The following C16orf74 variants were observed in gnomAD, a reference collection of about 807,000 sequenced individuals.
C16orf74 encodes calcimembrin.
C16orf74 carries 10 observed loss-of-function variants against 6.5 expected under a neutral mutation model. That is an observed-to-expected ratio of 1.54 (90% CI 0.95 to 2.61). The LOEUF (loss-of-function observed/expected upper bound fraction) is 2.61, where lower values mean the gene tolerates loss of function less well. C16orf74 is among the 30% of genes most tolerant of loss of function. The pLI, the probability that C16orf74 is intolerant of heterozygous loss-of-function variation, is 0.00. For missense variants in C16orf74, 141 were observed against 105.9 expected, an observed-to-expected ratio of 1.33 and a Z score of -1.45; for synonymous variants, 60 against 42.5, an observed-to-expected ratio of 1.41 and a Z score of -1.60.
intron 1 of C16orf74, among the ~76,000 whole-genome samples, chr16:85,749,814 C>A (rs796698199): frequency 7.9e-5 from 12 of 152,348 alleles, no homozygotes; most frequent in African/African-American, 2.6e-4. Flanking sequence ...TGCACCCCAC[C>A]GGCATGGGAA....
chr16:85,724,984 C>T (rs1174775378), intron 2 of C16orf74, among the ~76,000 whole-genome samples: 2 of 152,202 alleles, frequency 1.3e-5, no homozygotes, highest in East Asian at 3.9e-4. Flanking sequence ...CTGGAAATGG[C>T]GCTTCGTCTC....
At chr16:85,721,631 G>T (rs140988520) in intron 2 of C16orf74, among the ~76,000 whole-genome samples, 224 of 152,304 alleles carry the variant, frequency 1.5e-3, no homozygotes, top group African/African-American at 5.2e-3. Flanking sequence ...CAATCTGGCA[G>T]CTCTACATGG....
chr16:85,733,946 T>C (rs1473850813), intron 2 of C16orf74, among the ~76,000 whole-genome samples: 1 of 152,190 alleles, frequency 6.6e-6, no homozygotes, highest in African/African-American at 2.4e-5. Context: ...GCCTAAGACC[T>C]AAACTGGGCC....
chr16:85,742,649 C>T (rs2054322328), intron 1 of C16orf74, among the ~76,000 whole-genome samples: 1 of 152,154 alleles, frequency 6.6e-6, no homozygotes. Context: ...TCAAGCGATT[C>T]TCCTGACTTA....
chr16:85,745,411 T>C (rs1003163451), intron 1 of C16orf74, among the ~76,000 whole-genome samples: 6 of 152,182 alleles, frequency 3.9e-5, no homozygotes, highest in African/African-American at 7.2e-5. Flanking sequence ...GTGCCACAAA[T>C]TACCAGCTCA....
chr16:85,719,728 G>A (rs537759073), intron 2 of C16orf74, among the ~76,000 whole-genome samples: 18 of 152,268 alleles, frequency 1.2e-4, no homozygotes, highest in South Asian at 8.3e-4. Context: ...ATCAGAAAGC[G>A]GCAGGAGAGA....
At chr16:85,717,400 C>T (rs9923765) in intron 2 of C16orf74, among the ~76,000 whole-genome samples, 3,583 of 152,284 alleles carry the variant, frequency 0.024, 130 homozygotes, top group African/African-American at 0.081. Context: ...CTTTAACAGC[C>T]AGGGATGGGA....
intron 2 of C16orf74, among the ~76,000 whole-genome samples, chr16:85,721,389 C>A (rs1205644099): frequency 6.6e-6 from 1 of 152,190 alleles, no homozygotes; most frequent in Admixed American, 6.5e-5. Context: ...CCCTGTAGCA[C>A]CCCCAGCTTC....
At chr16:85,709,395 C>A (rs1001800592) in intron 3 of C16orf74, among the ~76,000 whole-genome samples, 15 of 152,078 alleles carry the variant, frequency 9.9e-5, no homozygotes, top group Admixed American at 9.2e-4. Context: ...GGGATGAAAT[C>A]TGTACTTAAC....
intron 2 of C16orf74, among the ~76,000 whole-genome samples, chr16:85,721,809 G>A (rs1332830693): frequency 1.3e-5 from 2 of 152,080 alleles, no homozygotes; most frequent in Non-Finnish European, 2.9e-5. Context: ...TACACGGAGG[G>A]GCTCCAGGAT....
chr16:85,721,324 C>T (rs371218), intron 2 of C16orf74, among the ~76,000 whole-genome samples: 51,661 of 151,412 alleles, frequency 0.34, 9,004 homozygotes, highest in Middle Eastern at 0.41. Context: ...TCATTCTCTG[C>T]GGTGGGGCTG....
chr16:85,714,401 A>ATTATTTAT (rs199601898), intron 2 of C16orf74, among the ~76,000 whole-genome samples: 15 of 141,308 alleles, frequency 1.1e-4, no homozygotes, highest in African/African-American at 3.9e-4. Context: ...TTATTTATTT[A>ATTATTTAT]TTATTTATTT....
intron 1 of C16orf74, among the ~76,000 whole-genome samples, chr16:85,744,763 G>A (rs574291683): frequency 2.4e-4 from 35 of 146,332 alleles, no homozygotes; most frequent in African/African-American, 8.3e-4. Context: ...CCACGAGGCA[G>A]AGCTTGCAGT....
chr16:85,727,218 G>A (rs1448495594), intron 2 of C16orf74, among the ~76,000 whole-genome samples: 1 of 152,300 alleles, frequency 6.6e-6, no homozygotes, highest in African/African-American at 2.4e-5. Flanking sequence ...ACACTGTCAC[G>A]GGGCCATATG....
At chr16:85,731,351 T>A (rs1453712080) in intron 2 of C16orf74, among the ~76,000 whole-genome samples, 1 of 152,240 alleles carries the variant, frequency 6.6e-6, no homozygotes, top group Non-Finnish European at 1.5e-5. Context: ...CACATGCCTG[T>A]GAAGCTGGCC....
At chr16:85,709,495 G>GTTA (rs57478569) in intron 3 of C16orf74, among the ~76,000 whole-genome samples, 11,124 of 147,182 alleles carry the variant, frequency 0.076, 844 homozygotes, top group African/African-American at 0.2. Flanking sequence ...CATCCCCAAT[G>GTTA]TTATTATTAT....
intron 3 of C16orf74, among the ~76,000 whole-genome samples, 178 bp downstream of exon 3, chr16:85,709,986 G>C (rs752316817): frequency 1.3e-5 from 2 of 152,250 alleles, no homozygotes; most frequent in Non-Finnish European, 2.9e-5. Context: ...GCTGAGGCTG[G>C]CGCCGTGGCA....
intron 1 of C16orf74, among the ~76,000 whole-genome samples, chr16:85,735,887 ACACT>A (rs1192113055): frequency 1.3e-5 from 2 of 152,124 alleles, no homozygotes; most frequent in African/African-American, 4.8e-5. Context: ...CATGCTCTTG[ACACT>A]CACTCCTCAG....
intron 2 of C16orf74, among the ~76,000 whole-genome samples, chr16:85,718,906 G>C (rs1446279249): frequency 1.3e-5 from 2 of 152,236 alleles, no homozygotes. Flanking sequence ...GTGTGGGTCG[G>C]GGGACTTGTC....
Sources: gnomAD v4.1 joint callset for allele counts (sites outside exome capture counted in the v4.1 genomes callset) on GRCh38, gnomAD v4.1.1 for gene constraint, MANE v1.5 for transcripts, NCBI Gene and HGNC (gene_info 2026-07-23, HGNC 2026-07-21) for gene names.